ZKSCAN3: variants seen among roughly 807,000 people sequenced by gnomAD.
The protein encoded by ZKSCAN3 is zinc finger with KRAB and SCAN domains 3, also known as zinc finger protein with KRAB and SCAN domains 3.
In ZKSCAN3, 21 loss-of-function variants were observed where a neutral mutation model predicts 30.7. That is an observed-to-expected ratio of 0.68 (90% CI 0.49 to 0.99). The LOEUF is 0.99. Ranked by LOEUF, ZKSCAN3 falls within the 50% of genes least tolerant of loss-of-function variation. ZKSCAN3 has a pLI of 0.00. For missense variants in ZKSCAN3, 507 were observed against 647.1 expected (o/e 0.78, Z 2.35); for synonymous variants, 201 against 246.7 (o/e 0.81, Z 1.73).
chr6:28,355,066 A>G (rs935664680), intron 1 of ZKSCAN3, among the ~76,000 whole-genome samples: 15 of 152,198 alleles, frequency 9.9e-5, no homozygotes, highest in Admixed American at 3.9e-4. Context: ...GGCTAGACCT[A>G]TCTGTGTACC....
At chr6:28,361,552 T>TC in intron 3 of ZKSCAN3, 81 bp downstream of exon 3, 1 of 1,497,542 alleles carries the variant, frequency 6.7e-7, no homozygotes, top group Non-Finnish European at 9.0e-7. Flanking sequence ...AATTCATTGA[T>TC]AGGGGGCTTA....
At position 28,366,107 on chromosome 6, in the gene ZKSCAN3, A is replaced by G. The variant is rs1765953133; in HGVS notation, c.1439A>G (p.Tyr480Cys). 1 of 1,610,330 alleles carries G rather than the reference A, an allele frequency of 6.2e-7. No homozygotes were observed. Among genetic ancestry groups the G allele is most frequent in the African/African-American group, 1.3e-5 (1 of 74,728 alleles). Residue 480 changes from tyrosine to cysteine, a missense_variant, in exon 6 of 6, where the codon TAT becomes TGT. Tyr to Cys is a radical substitution (Grantham distance 194). Transcript: ENST00000252211. Reference protein sequence around the residue: ...QLENVETPMSYKCNECERSFT... With the variant: ...QLENVETPMSCKCNECERSFT... ...GAAAATGTTGAAACTCCCATGTCTTATAAATGTAATGAGTGTGAAAGAAGT... is the reference window on the plus strand; with the variant it reads ...GAAAATGTTGAAACTCCCATGTCTTGTAAATGTAATGAGTGTGAAAGAAGT...
chr6:28,350,890 C>G (rs1186496584), intron 1 of ZKSCAN3, among the ~76,000 whole-genome samples: 1 of 152,114 alleles, frequency 6.6e-6, no homozygotes, highest in Non-Finnish European at 1.5e-5. Flanking sequence ...GTACCTTTTC[C>G]TTGGCTGGAG....
In ZKSCAN3 at chr6:28,363,326, C is replaced by T; in HGVS notation, c.574C>T (p.His192Tyr). Residue 192 changes from histidine (H) to tyrosine (Y), a missense_variant, in exon 4 of 6, where the codon CAT becomes TAT. By Grantham distance (83) the His-to-Tyr change is moderately conservative. Transcript: ENST00000252211. ...AGTTCTCCAGGTCCCCGTGCTTGCCCATGGAGGATGCTGCAGAGAAGATAA... is the reference window on the plus strand; with the variant it reads ...AGTTCTCCAGGTCCCCGTGCTTGCCTATGGAGGATGCTGCAGAGAAGATAA... ...DRVLQVPVLA[H>Y]GGCCREDKVV... is the part of the protein sequence containing the mutation. 1 of 1,614,004 alleles carries T rather than the reference C, an allele frequency of 6.2e-7. No homozygotes were observed. Among genetic ancestry groups the T allele is most frequent in the Admixed American group, 1.7e-5 (1 of 60,012 alleles).
rs764933522 is a variant in ZKSCAN3 at position 28,365,987 on chromosome 6, A to T, written c.1319A>T (p.His440Leu). The T allele has an allele frequency of 1.2e-6, 2 of 1,614,090 alleles. No individual in the cohort carries two copies. Among genetic ancestry groups the T allele is most frequent in the Non-Finnish European group, 1.7e-6 (2 of 1,180,024 alleles). The part of the protein sequence containing the change: ...MCGKAFRRSS[H>L]LLRHQRIHTG... ...GGCAAAGCCTTTAGGCGAAGTTCAC[A>T]TCTCCTGAGACATCAGAGGATCCAT... The change falls in exon 6 of 6, where the codon CAT becomes CTT. Residue 440 changes from histidine (H) to leucine (L), a missense_variant. His to Leu is a moderately conservative substitution (Grantham distance 99, BLOSUM62 -3). Coordinates refer to ENST00000252211, the MANE Select transcript of ZKSCAN3 (RefSeq NM_024493.4).
In ZKSCAN3 at chr6:28,365,782, T is replaced by A. The variant is rs778759383; in HGVS notation, c.1114T>A (p.Cys372Ser). ...CCACACTGGTGAGAAGCCATATGAG[T>A]GTGAAGAATGTGGTAAGGCCTTCAG... ...RVHTGEKPYE[C>S]EECGKAFSHS... The change falls in exon 6 of 6, where the codon TGT becomes AGT. Residue 372 changes from cysteine to serine, a missense_variant. By Grantham distance (112) the Cys-to-Ser change is moderately radical. Coordinates refer to ENST00000252211, the MANE Select transcript of ZKSCAN3 (RefSeq NM_024493.4). The A allele has an allele frequency of 1.1e-5, 17 of 1,613,748 alleles. No individual in the cohort carries two copies. Among genetic ancestry groups the A allele is most frequent in the Non-Finnish European group, 1.4e-5 (17 of 1,179,950 alleles).
chr6:28,353,926 G>A, intron 1 of ZKSCAN3: 1 of 455,466 alleles, frequency 2.2e-6, no homozygotes, highest in Non-Finnish European at 4.4e-6. Context: ...TTGGATGGGT[G>A]GCAGGTAGTT....
intron 5 of ZKSCAN3, 40 bp from the exon 6 acceptor site, chr6:28,365,386 C>A: frequency 6.4e-7 from 1 of 1,569,724 alleles, no homozygotes. Context: ...GCTTTCCTTC[C>A]ATGGCATAAG....
In ZKSCAN3 at chr6:28,369,025, A is replaced by G. The variant is rs997842120; in HGVS notation, c.*2740A>G. ...AGTAGAAATTGAATCATTATCCACA[A>G]TCCTTTATAGAACTATCCAAGTCCC... On this transcript the variant is annotated 3_prime_UTR_variant, in exon 6 of 6. Transcript: ENST00000252211. This position sits in a 1 kb window ranked among gnomAD's most constrained non-coding sequence, Gnocchi z 4.1. 1 of 152,180 alleles carries G rather than the reference A, an allele frequency of 6.6e-6. No individual in the cohort carries two copies. Among genetic ancestry groups the G allele is most frequent in the Admixed American group, 6.5e-5 (1 of 15,268 alleles). 9.4% of individuals were successfully genotyped at this position (152,180 alleles called of 1,614,324 possible).
At chr6:28,353,237 G>A (rs1765179733) in intron 1 of ZKSCAN3, 1 of 152,928 alleles carries the variant, frequency 6.5e-6, no homozygotes, top group Non-Finnish European at 1.5e-5. Context: ...AAAGTGTTGG[G>A]ATTACAGGCG....
At chr6:28,361,225 G>A in intron 2 of ZKSCAN3, 99 bp from the exon 3 acceptor site, 3 of 1,300,844 alleles carry the variant, frequency 2.3e-6, no homozygotes, top group Non-Finnish European at 3.2e-6. Flanking sequence ...CGTTAAATGA[G>A]TTAACATTTA....
rs768560195 is a variant in ZKSCAN3, at chr6:28,359,774, C to A, written c.188C>A (p.Ala63Glu). The A allele has an allele frequency of 6.2e-7, 1 of 1,614,196 alleles. No individual in the cohort carries two copies. The highest frequency in any genetic ancestry group is 1.7e-5 in the Admixed American group (1 of 60,034). The change falls in exon 2 of 6, where the codon GCG (alanine) becomes GAG (glutamate). Residue 63 changes from alanine to glutamate, a missense_variant. Coordinates refer to ENST00000252211, the MANE Select transcript of ZKSCAN3 (RefSeq NM_024493.4). Reference protein sequence around the residue: ...RYPEAAGPREALSRLRELCRQ... With the variant: ...RYPEAAGPREELSRLRELCRQ... ...CCGGAGGCTGCAGGCCCCCGCGAGG[C>A]GCTGAGTCGGCTCCGAGAGCTCTGC...
intron 2 of ZKSCAN3, 183 bp downstream of exon 2, chr6:28,360,171 C>G: frequency 9.6e-7 from 1 of 1,046,896 alleles, no homozygotes; most frequent in Non-Finnish European, 1.4e-6. Flanking sequence ...TTTTAAAATA[C>G]ATAAACCATA....
chr6:28,363,778 T>A lies in ZKSCAN3; in HGVS notation c.720T>A (p.Asp240Glu). The A allele has an allele frequency of 6.2e-7, 1 of 1,613,962 alleles. No individual in the cohort carries two copies. Among genetic ancestry groups the A allele is most frequent in the Non-Finnish European group, 8.5e-7 (1 of 1,179,912 alleles). ...QDSSQGNLCR[D>E]EKQENHGSLV... The stretch of plus-strand genomic sequence containing the variant: ...CATCTCAGGGGAATCTCTGTAGAGA[T>A]GAAAAGCAGGAGAACCATGGCAGCC... The change falls in exon 5 of 6, where the codon GAT becomes GAA. Residue 240 changes from aspartate (D) to glutamate (E), a missense_variant. By Grantham distance (45) the Asp-to-Glu change is conservative. Transcript: ENST00000252211.
chr6:28,360,695 C>T (rs755537838), intron 2 of ZKSCAN3: 1 of 985,370 alleles, frequency 1.0e-6, no homozygotes, highest in Non-Finnish European at 1.2e-6. Context: ...AGCTGGATAC[C>T]AGGGTTCTTG....
In ZKSCAN3 at chr6:28,365,519, A is replaced by C; in HGVS notation, c.851A>C (p.Asp284Ala). Residue 284 changes from aspartate (D) to alanine (A), a missense_variant, in exon 6 of 6, where the codon GAC (aspartate) becomes GCC (alanine). Asp to Ala is a moderately radical substitution (Grantham distance 126). Transcript: ENST00000252211. ...HGKISCHLRE[D>A]IAQIPTCAEA... ...AAGATATCGTGCCACCTGAGAGAAG[A>C]CATTGCCCAGATTCCTACATGTGCA... 6.2e-7 allele frequency: 1 copy of C among 1,614,228 alleles called. No individual in the cohort carries two copies. The highest frequency in any genetic ancestry group is 8.5e-7 in the Non-Finnish European group (1 of 1,180,040).
At position 28,365,614 on chromosome 6, in the gene ZKSCAN3, T is replaced by C. The variant is rs549317265; in HGVS notation, c.946T>C (p.Cys316Arg). The C allele has an allele frequency of 6.2e-7, 1 of 1,614,234 alleles. No individual in the cohort carries two copies. Among genetic ancestry groups the C allele is most frequent in the South Asian group, 1.1e-5 (1 of 91,084 alleles). Residue 316 changes from cysteine to arginine, a missense_variant, in exon 6 of 6, where the codon TGC (cysteine) becomes CGC (arginine). Physicochemically the swap from Cys to Arg is radical, Grantham distance 180. Transcript: ENST00000252211. The stretch of plus-strand genomic sequence containing the variant: ...TGCCACAGGAGGGAGGCGGCACATC[T>C]GCCATGAATGTGGAAAGAGTTTTGC... Reference protein sequence around the residue: ...KNATGGRRHICHECGKSFAQS... With the variant: ...KNATGGRRHIRHECGKSFAQS...
Position 28,366,064 on chromosome 6 carries a change from A to AGGATGGAAAGCC in ZKSCAN3, c.1397_1408dup (p.Arg466_Ser469dup). 1 of 1,608,518 alleles carries AGGATGGAAAGCC rather than the reference A, an allele frequency of 6.2e-7. No individual in the cohort carries two copies. The stretch of plus-strand genomic sequence containing the variant: ...TGAGCAGGGAGAGGCCTGGAAAAGT[A>AGGATGGAAAGCC]GGATGGAAAGCCAGTTGGAAAATGT... On this transcript the variant is annotated inframe_insertion, in exon 6 of 6. Coordinates refer to ENST00000252211, the MANE Select transcript of ZKSCAN3 (RefSeq NM_024493.4).
Position 28,365,958 on chromosome 6 carries a change from G to A in ZKSCAN3, c.1290G>A (p.Met430Ile). ...HTGEKPYQCS[M>I]CGKAFRRSSH... ...GGGAGAAGCCGTATCAGTGCAGTATGTGTGGCAAAGCCTTTAGGCGAAGTT... is the reference window on the plus strand; with the variant it reads ...GGGAGAAGCCGTATCAGTGCAGTATATGTGGCAAAGCCTTTAGGCGAAGTT... The change falls in exon 6 of 6, where the codon ATG (methionine) becomes ATA (isoleucine). Residue 430 changes from methionine (M) to isoleucine (I), a missense_variant. Physicochemically the swap from Met to Ile is conservative, Grantham distance 10 (BLOSUM62 1). Coordinates refer to ENST00000252211, the MANE Select transcript of ZKSCAN3 (RefSeq NM_024493.4). 1 of 1,614,194 alleles carries A rather than the reference G, an allele frequency of 6.2e-7. No homozygotes were observed. The highest frequency in any genetic ancestry group is 8.5e-7 in the Non-Finnish European group (1 of 1,180,016).
Sources: gnomAD v4.1 joint callset for allele counts (sites outside exome capture counted in the v4.1 genomes callset) on GRCh38, gnomAD v4.1.1 for gene constraint, Gnocchi (gnomAD v3.1) non-coding constraint, MANE v1.5 for transcripts, NCBI Gene and HGNC (gene_info 2026-07-23, HGNC 2026-07-21) for gene names.